The following MAU2 variants were observed in gnomAD, a reference collection of about 807,000 sequenced individuals.
The protein encoded by MAU2 is MAU2 sister chromatid cohesion factor, also known as MAU2 chromatid cohesion factor homolog.
MAU2 carries 9 observed loss-of-function variants against 89.1 expected under a neutral mutation model. The observed-to-expected ratio is 0.10, with a 90% CI of 0.06 to 0.18. The LOEUF is 0.18. Ranked by LOEUF, MAU2 falls within the 10% of genes least tolerant of loss-of-function variation. MAU2 has a pLI of 1.00. For missense variants in MAU2, 425 were observed against 803.5 expected, an observed-to-expected ratio of 0.53 and a Z score of 5.69; for synonymous variants, 357 against 343.4, an observed-to-expected ratio of 1.04 and a Z score of -0.44.
At chr19:19,336,309 T>G in intron 3 of MAU2, 122 bp downstream of exon 3, 1 of 685,238 alleles carries the variant, frequency 1.5e-6, no homozygotes. Context: ...GTTTTTTTGG[T>G]CGGGGTGGGA....
chr19:19,354,087 G>C (rs749597122), intron 16 of MAU2: 9 of 516,896 alleles, frequency 1.7e-5, no homozygotes, highest in Non-Finnish European at 2.5e-5. Context: ...TGCTTGAACA[G>C]GTAGAAGCCC....
intron 9 of MAU2, among the ~76,000 whole-genome samples, 189 bp from the exon 10 acceptor site, chr19:19,343,648 C>T (rs2061670879): frequency 6.6e-6 from 1 of 152,226 alleles, no homozygotes; most frequent in African/African-American, 2.4e-5. Flanking sequence ...CTGGCTCCAG[C>T]TCCGTCTCCC....
At chr19:19,337,700 A>C (rs1599905284) in intron 4 of MAU2, among the ~76,000 whole-genome samples, 1 of 152,112 alleles carries the variant, frequency 6.6e-6, no homozygotes, top group East Asian at 1.9e-4. Context: ...GGGGCTGCCT[A>C]TCAGGCCACA....
Position 19,355,454 on chromosome 19 carries a change from G to C in MAU2, c.1767+63G>C, listed in dbSNP as rs981747110. ...GCGGGCTCCCCACCTGCAAGAGGAA[G>C]GGGCACCTTGGCTGTATTTCTCTTT... is the stretch of plus-strand genomic sequence containing the variant. On this transcript the variant is annotated intron_variant, in intron 18 of 18. Transcript: ENST00000262815. The C allele has an allele frequency of 5.6e-6, 9 of 1,594,468 alleles. No homozygotes were observed. The African/African-American group carries it at 1.2e-4, about 21-fold the overall frequency.
At position 19,343,106 on chromosome 19, in the gene MAU2, C is replaced by T. The variant is rs762596237; in HGVS notation, c.973+240C>T. 3.9e-5 allele frequency among the ~76,000 whole-genome samples: 6 copies of T among 152,210 alleles called. No individual in the cohort carries two copies. The East Asian group carries it at 7.7e-4, about 20-fold the overall frequency. On this transcript the variant is annotated intron_variant, in intron 9 of 18. Coordinates refer to ENST00000262815, the MANE Select transcript of MAU2 (RefSeq NM_015329.4). ...CAGGTCCCTTGTGCCCAGTCATGCT[C>T]AGTTGAAACAGGTGGTAGCTGCTTT... is the stretch of plus-strand genomic sequence containing the variant.
intron 13 of MAU2, 78 bp from the exon 14 acceptor site, chr19:19,348,811 C>T (rs765429157): frequency 6.8e-7 from 1 of 1,477,948 alleles, no homozygotes; most frequent in Non-Finnish European, 9.5e-7. Flanking sequence ...AGAGAAATTC[C>T]CATGCACTGC....
At chr19:19,337,585 A>G (rs2061607717) in intron 4 of MAU2, among the ~76,000 whole-genome samples, 1 of 152,164 alleles carries the variant, frequency 6.6e-6, no homozygotes, top group Non-Finnish European at 1.5e-5. Flanking sequence ...CCTCCCTCCC[A>G]GCCGTTCTCA....
At chr19:19,346,164 C>T (rs970590007) in intron 12 of MAU2, among the ~76,000 whole-genome samples, 5 of 152,176 alleles carry the variant, frequency 3.3e-5, no homozygotes, top group Non-Finnish European at 5.9e-5. Flanking sequence ...CAGAGATGCA[C>T]AGGAGCCCTG....
Position 19,357,799 on chromosome 19 carries a change from CAT to C in MAU2, c.*2018_*2019del, listed in dbSNP as rs1491290889. 2.0e-5 allele frequency: 3 copies of C among 152,024 alleles called. No homozygotes were observed. Among genetic ancestry groups the C allele is most frequent in the African/African-American group, 4.8e-5 (2 of 41,364 alleles). The allele number at this position is 152,024 out of a possible 1,614,324, so 9.4% of individuals were successfully genotyped here. On this transcript the variant is annotated 3_prime_UTR_variant, in exon 19 of 19. Coordinates refer to ENST00000262815, the MANE Select transcript of MAU2 (RefSeq NM_015329.4). ...AGCTTTATGGAAGCCAAATCATGTG[CAT>C]GTGTGTGTGTGCGTGTGTGCAAGCT...
chr19:19,346,113 C>T (rs944462621), intron 12 of MAU2, among the ~76,000 whole-genome samples: 2 of 152,122 alleles, frequency 1.3e-5, no homozygotes, highest in Non-Finnish European at 2.9e-5. Flanking sequence ...TTCCACGGCA[C>T]CCCGCAGGCC....
intron 7 of MAU2, 44 bp from the exon 8 acceptor site, chr19:19,342,491 A>G: frequency 6.6e-7 from 1 of 1,510,758 alleles, no homozygotes; most frequent in Non-Finnish European, 8.9e-7. Context: ...TGGCTTCCTG[A>G]GAGGCCAGGC....
At position 19,326,691 on chromosome 19, in the gene MAU2, A is replaced by ATATATATACGTAT. The variant is rs1555792830; in HGVS notation, c.276+5556_276+5557insTATATATACGTAT. On this transcript the variant is annotated intron_variant, in intron 1 of 18. Coordinates refer to ENST00000262815, the MANE Select transcript of MAU2 (RefSeq NM_015329.4). ...AAAGAGCGAGACTGTCTCAAAAAAA[A>ATATATATACGTAT]ATATATATATGTATATATATATATA... Among the ~76,000 whole-genome samples the ATATATATACGTAT allele has an allele frequency of 6.8e-4, 74 of 109,336 alleles. 3 individuals carry two copies. Among genetic ancestry groups the ATATATATACGTAT allele is most frequent in the South Asian group, 1.2e-3 (4 of 3,464 alleles). 71.7% of individuals were successfully genotyped at this position (109,336 alleles called of 152,430 possible).
chr19:19,355,147 A>G, intron 17 of MAU2, 117 bp from the exon 18 acceptor site: 1 of 1,336,334 alleles, frequency 7.5e-7, no homozygotes, highest in Non-Finnish European at 1.0e-6. Context: ...CGTGCCAGGC[A>G]CCCAGAGATC....
intron 1 of MAU2, among the ~76,000 whole-genome samples, chr19:19,325,802 A>G (rs114530569): frequency 6.6e-6 from 1 of 152,092 alleles, no homozygotes; most frequent in African/African-American, 2.4e-5. Context: ...TCACTGAACT[A>G]ATTTTCTCTA....
At position 19,348,925 on chromosome 19, in the gene MAU2, A is replaced by G. The variant is rs1258607802; in HGVS notation, c.1345A>G (p.Ser449Gly). Residue 449 changes from serine (S) to glycine (G), a missense_variant, in exon 14 of 19, where the codon AGC becomes GGC. This residue lies in a region of MAU2 where 66 missense variants were observed against 129.1 expected (regional missense o/e 0.51). Coordinates refer to ENST00000262815, the MANE Select transcript of MAU2 (RefSeq NM_015329.4). Reference protein sequence around the residue: ...SLLERINPDHSFPVSSHCLRA... With the variant: ...SLLERINPDHGFPVSSHCLRA... ...GCTGGAGAGGATCAACCCGGACCAC[A>G]GCTTCCCTGTCAGGTGAGCCGCTCC... 1 of 1,613,740 alleles carries G rather than the reference A, an allele frequency of 6.2e-7. No individual in the cohort carries two copies. Among genetic ancestry groups the G allele is most frequent in the Admixed American group, 1.7e-5 (1 of 59,986 alleles).
intron 6 of MAU2, 125 bp from the exon 7 acceptor site, chr19:19,341,127 G>T: frequency 8.3e-7 from 1 of 1,206,412 alleles, no homozygotes; most frequent in Non-Finnish European, 1.1e-6. Context: ...GGGGTTTCAG[G>T]CTGGCCTTGC....
intron 1 of MAU2, among the ~76,000 whole-genome samples, chr19:19,332,814 C>T (rs1279171209): frequency 1.3e-5 from 2 of 152,174 alleles, no homozygotes; most frequent in African/African-American, 4.8e-5. Flanking sequence ...CTGCGGCTCA[C>T]GCCTGTAATC....
chr19:19,329,087 A>G (rs1276760233), intron 1 of MAU2: 4 of 455,912 alleles, frequency 8.8e-6, no homozygotes, highest in Admixed American at 4.7e-5. Context: ...TTTCTCAGCA[A>G]GTGATTAAAT....
chr19:19,348,778 G>A (rs2061716130), intron 13 of MAU2, 111 bp from the exon 14 acceptor site: 1 of 1,187,894 alleles, frequency 8.4e-7, no homozygotes, highest in African/African-American at 1.5e-5. Flanking sequence ...TCAGCCTGGA[G>A]GCCACAGTCC....
Sources: allele counts gnomAD v4.1 joint callset (sites outside exome capture counted in the v4.1 genomes callset), GRCh38; gene constraint gnomAD v4.1.1; regional missense constraint gnomAD v4.1.1; transcripts MANE v1.5; gene names NCBI Gene and HGNC (gene_info 2026-07-23, HGNC 2026-07-21).